SLC6A15: variants seen among roughly 807,000 people sequenced by gnomAD.
The protein encoded by SLC6A15 is solute carrier family 6 member 15.
In SLC6A15, 33 loss-of-function variants were observed where a neutral mutation model predicts 68.5. That is an observed-to-expected ratio of 0.48 (90% confidence interval 0.37 to 0.64). The LOEUF (loss-of-function observed/expected upper bound fraction) is 0.64. Ranked by LOEUF, SLC6A15 falls within the 30% of genes least tolerant of loss-of-function variation. SLC6A15 has a pLI of 0.00. For missense variants in SLC6A15, 747 were observed against 874.3 expected (o/e 0.85, Z 1.84); for synonymous variants, 347 against 301.0 (o/e 1.15, Z -1.58).
At chr12:84,868,151 A>G (rs1238923968) in intron 9 of SLC6A15, among the ~76,000 whole-genome samples, 1 of 152,202 alleles carries the variant, frequency 6.6e-6, no homozygotes, top group African/African-American at 2.4e-5. Context: ...GACATGAAGA[A>G]ATTACCTCCA....
rs1870829307 is a variant in SLC6A15 at position 84,861,163 on chromosome 12, C to T, written c.*469G>A. ...GGTGTCAATGCTACCAAAATCAATA[C>T]AGCCTATCTACATAATATATTCATA... On this transcript the variant is annotated 3_prime_UTR_variant, in exon 12 of 12. Transcript: ENST00000266682. The T allele has an allele frequency of 6.5e-6, 1 of 152,822 alleles. No individual in the cohort carries two copies. Among genetic ancestry groups the T allele is most frequent in the African/African-American group, 2.4e-5 (1 of 41,450 alleles). 9.5% of individuals were successfully genotyped at this position (152,822 alleles called of 1,614,324 possible). A position where few individuals can be genotyped will look rare whatever the true frequency, so the allele number is the denominator to read the frequency against.
intron 1 of SLC6A15, among the ~76,000 whole-genome samples, chr12:84,908,610 A>G (rs1873287998): frequency 8.7e-6 from 1 of 114,830 alleles, no homozygotes; most frequent in Non-Finnish European, 1.9e-5. Context: ...ACATATATAT[A>G]TATATATATA....
chr12:84,876,539 T>G lies in SLC6A15; in HGVS notation c.825A>C (p.Leu275Phe). The change falls in exon 6 of 12, where the codon TTA becomes TTC. Residue 275 changes from leucine (L) to phenylalanine (F), a missense_variant. By Grantham distance (22) the Leu-to-Phe change is conservative. Transcript: ENST00000266682. Reference sequence around the variant, plus strand: ...GGCGAATGCCATCAATTGAACCATTTAAAAGGAATGCTCTGATGAGGAAGC... The same window carrying G: ...GGCGAATGCCATCAATTGAACCATTGAAAAGGAATGCTCTGATGAGGAAGC... ...LICFLIRAFL[L>F]NGSIDGIRHM... 1.2e-6 allele frequency: 2 copies of G among 1,601,888 alleles called. No homozygotes were observed. Among genetic ancestry groups the G allele is most frequent in the Non-Finnish European group, 1.7e-6 (2 of 1,174,570 alleles).
chr12:84,894,933 T>C (rs1299235801), intron 1 of SLC6A15, among the ~76,000 whole-genome samples: 1 of 152,110 alleles, frequency 6.6e-6, no homozygotes, highest in Non-Finnish European at 1.5e-5. Context: ...CTTTATAAAA[T>C]AAAATACTTA....
chr12:84,912,406 C>T (rs1873514834), intron 1 of SLC6A15, 117 bp downstream of exon 1: 1 of 152,620 alleles, frequency 6.6e-6, no homozygotes, highest in Non-Finnish European at 1.5e-5. Context: ...GCAGCGAGTC[C>T]TTCCCGGCAT....
At chr12:84,876,752 T>G (rs544383287) in intron 5 of SLC6A15, 145 bp from the exon 6 acceptor site, 2 of 496,986 alleles carry the variant, frequency 4.0e-6, no homozygotes, top group East Asian at 6.8e-5. Context: ...AAGCCATTTT[T>G]TAAGAATGGT....
intron 9 of SLC6A15, 37 bp downstream of exon 9, chr12:84,870,441 G>T: frequency 7.0e-7 from 1 of 1,424,902 alleles, no homozygotes; most frequent in South Asian, 1.6e-5. Flanking sequence ...AAATGGCCTG[G>T]ATTTGTTCAA....
intron 1 of SLC6A15, among the ~76,000 whole-genome samples, chr12:84,896,379 A>T (rs373524258): frequency 6.6e-6 from 1 of 152,208 alleles, no homozygotes. Context: ...TGTAAAAAAA[A>T]AAAAGATTGT....
intron 8 of SLC6A15, among the ~76,000 whole-genome samples, chr12:84,871,192 C>T: frequency 6.7e-6 from 1 of 150,340 alleles, no homozygotes; most frequent in East Asian, 1.9e-4. Context: ...TAAGAGAAAA[C>T]TGCAAATGCA....
chr12:84,908,720 C>CAT lies in SLC6A15; in HGVS notation c.-189+3801_-189+3802dup, dbSNP rs537371100. 9.4e-3 allele frequency among the ~76,000 whole-genome samples: 1,417 copies of CAT among 151,160 alleles called. 27 individuals are homozygous for CAT. Among genetic ancestry groups the CAT allele is most frequent in the African/African-American group, 0.033 (1,351 of 41,220 alleles). On this transcript the variant is annotated intron_variant, in intron 1 of 11. Transcript: ENST00000266682. ...AATAAATATTTTCTGTATATTCAAG[C>CAT]ATATATATATGTGTGTATACACACT...
At chr12:84,898,286 G>T (rs1872714223) in intron 1 of SLC6A15, among the ~76,000 whole-genome samples, 1 of 152,186 alleles carries the variant, frequency 6.6e-6, no homozygotes, top group Non-Finnish European at 1.5e-5. Context: ...GTTGCAGTGA[G>T]CTGAGATTGT....
intron 6 of SLC6A15, chr12:84,874,410 A>C (rs2120584364): frequency 6.6e-6 from 1 of 152,294 alleles, no homozygotes; most frequent in Non-Finnish European, 1.5e-5. Context: ...ATATGGTTTA[A>C]CTCATTTAGT....
chr12:84,867,245 T>C (rs764911407), intron 9 of SLC6A15, 52 bp from the exon 10 acceptor site: 3 of 1,400,806 alleles, frequency 2.1e-6, no homozygotes. Context: ...AGACAAGGCC[T>C]TTAAACTTTA....
chr12:84,898,958 G>A (rs748273879), intron 1 of SLC6A15, among the ~76,000 whole-genome samples: 1 of 152,182 alleles, frequency 6.6e-6, no homozygotes, highest in Non-Finnish European at 1.5e-5. Flanking sequence ...AGTTGTTCTT[G>A]AATTCGGTCC....
At position 84,870,670 on chromosome 12, in the gene SLC6A15, C is replaced by G. The variant is rs776914896; in HGVS notation, c.1303G>C (p.Ala435Pro). 1 of 1,603,074 alleles carries G rather than the reference C, an allele frequency of 6.2e-7. No individual in the cohort carries two copies. The highest frequency in any genetic ancestry group is 1.7e-5 in the Admixed American group (1 of 58,676). Residue 435 changes from alanine (A) to proline (P), a missense_variant and splice_region_variant, in exon 9 of 12, where the codon GCT (alanine) becomes CCT (proline). Ala to Pro is a conservative substitution (Grantham distance 27). Coordinates refer to ENST00000266682, the MANE Select transcript of SLC6A15 (RefSeq NM_182767.6). ...AAAGCTAAGCCGGTCCCCTGAACAG[C>G]CTGCAAAATACACAAAATAGCAACA... Reference protein sequence around the residue: ...SCKIEEELNKAVQGTGLAFIA... With the variant: ...SCKIEEELNKPVQGTGLAFIA...
At chr12:84,880,584 A>C (rs1871777048) in intron 5 of SLC6A15, among the ~76,000 whole-genome samples, 1 of 152,222 alleles carries the variant, frequency 6.6e-6, no homozygotes, top group Non-Finnish European at 1.5e-5. Flanking sequence ...GTAAGTGCTT[A>C]ATAAATATTT....
At position 84,861,957 on chromosome 12, in the gene SLC6A15, A is replaced by G. The variant is rs780689417; in HGVS notation, c.1868T>C (p.Val623Ala). The change falls in exon 12 of 12, where the codon GTC becomes GCC. Residue 623 changes from valine (V) to alanine (A), a missense_variant. Val to Ala is a moderately conservative substitution (Grantham distance 64). Transcript: ENST00000266682. Reference protein sequence around the residue: ...SYPTWGLVVCVSLVVFAILPV... With the variant: ...SYPTWGLVVCASLVVFAILPV... The stretch of plus-strand genomic sequence containing the variant: ...GAGTATTGCAAAGACAACCAGAGAG[A>G]CACAAACAACCAGTCCCCATGTTGG... 6.2e-7 allele frequency: 1 copy of G among 1,613,272 alleles called. No homozygotes were observed. Among genetic ancestry groups the G allele is most frequent in the South Asian group, 1.1e-5 (1 of 90,988 alleles).
chr12:84,896,397 C>T (rs1374863607), intron 1 of SLC6A15, among the ~76,000 whole-genome samples: 4 of 152,148 alleles, frequency 2.6e-5, no homozygotes, highest in South Asian at 4.2e-4. Flanking sequence ...TGTGTTGGCA[C>T]GTATCCATGC....
At chr12:84,888,568 G>A (rs1872228131) in intron 2 of SLC6A15, among the ~76,000 whole-genome samples, 1 of 152,134 alleles carries the variant, frequency 6.6e-6, no homozygotes, top group Non-Finnish European at 1.5e-5. Flanking sequence ...CTGTAAGTAT[G>A]CAAAGGCATA....
Sources: allele counts gnomAD v4.1 joint callset (sites outside exome capture counted in the v4.1 genomes callset), GRCh38; gene constraint gnomAD v4.1.1; transcripts MANE v1.5; gene names NCBI Gene and HGNC (gene_info 2026-07-23, HGNC 2026-07-21).